Variants in CACHD1 observed in about 807,000 individuals in gnomAD.
CACHD1 encodes cache domain containing 1, also known as VWFA and cache domain-containing protein 1.
Under a neutral mutation model 138.7 loss-of-function variants are expected in CACHD1, and 71 were observed. The ratio of observed to expected loss-of-function variants is 0.51; its 90% CI spans 0.42 to 0.62. The LOEUF (loss-of-function observed/expected upper bound fraction) is 0.62, where lower values mean the gene tolerates loss of function less well. Ranked by LOEUF, CACHD1 falls within the 20% of genes least tolerant of loss-of-function variation. The pLI is 0.00. For synonymous variants in CACHD1, 578 were observed against 591.5 expected (o/e 0.98, Z 0.33); for missense variants, 1,389 against 1,625.3 (o/e 0.85, Z 2.50).
intron 3 of CACHD1, among the ~76,000 whole-genome samples, chr1:64,598,280 A>G (rs1188553533): frequency 6.6e-6 from 1 of 152,216 alleles, no homozygotes; most frequent in Non-Finnish European, 1.5e-5. Context: ...CATCAGTGGT[A>G]GTGAGAAAAG....
At chr1:64,491,942 TTTG>T (rs1472384605) in intron 1 of CACHD1, among the ~76,000 whole-genome samples, 4 of 141,156 alleles carry the variant, frequency 2.8e-5, no homozygotes, top group Admixed American at 6.8e-5. Context: ...TTGTTTGTTT[TTTG>T]TTTTTTTTTT....
At chr1:64,560,666 G>A (rs776345963) in intron 2 of CACHD1, among the ~76,000 whole-genome samples, 1 of 152,082 alleles carries the variant, frequency 6.6e-6, no homozygotes, top group South Asian at 2.1e-4. Flanking sequence ...TAAAGAACAT[G>A]TGTTCTGCAG....
intron 1 of CACHD1, among the ~76,000 whole-genome samples, chr1:64,480,037 A>G (rs1646199424): frequency 6.6e-6 from 1 of 152,218 alleles, no homozygotes; most frequent in African/African-American, 2.4e-5. Context: ...TGGAGCCTGC[A>G]AGGTGGACTC....
intron 4 of CACHD1, among the ~76,000 whole-genome samples, chr1:64,607,134 G>C (rs1406155381): frequency 6.6e-6 from 1 of 152,158 alleles, no homozygotes. Flanking sequence ...GTGACTGTGG[G>C]TAGAAAAGAG....
At chr1:64,629,531 T>C in intron 5 of CACHD1, 50 bp downstream of exon 5, 3 of 1,575,554 alleles carry the variant, frequency 1.9e-6, no homozygotes, top group African/African-American at 1.4e-5. Context: ...AAGAGTGATC[T>C]ACATGAAATA....
At chr1:64,690,043 C>G (rs1048120470) in intron 26 of CACHD1, among the ~76,000 whole-genome samples, 1 of 152,180 alleles carries the variant, frequency 6.6e-6, no homozygotes, top group African/African-American at 2.4e-5. Context: ...CCATAATGGT[C>G]TCCAATAAAT....
At chr1:64,612,384 A>G (rs1647566665) in intron 4 of CACHD1, among the ~76,000 whole-genome samples, 1 of 152,154 alleles carries the variant, frequency 6.6e-6, no homozygotes, top group Non-Finnish European at 1.5e-5. Context: ...CTCATGAGCA[A>G]CCATCTTGTT....
chr1:64,539,767 G>A (rs562873637), intron 1 of CACHD1, among the ~76,000 whole-genome samples: 38 of 152,210 alleles, frequency 2.5e-4, no homozygotes, highest in East Asian at 1.9e-3. Context: ...TATACTAAGC[G>A]CCAGACCCTC....
intron 9 of CACHD1, among the ~76,000 whole-genome samples, chr1:64,651,513 G>C (rs1649091651): frequency 6.6e-6 from 1 of 152,150 alleles, no homozygotes; most frequent in Non-Finnish European, 1.5e-5. Flanking sequence ...GTGTGAGCCA[G>C]ACACAGTGGC....
intron 3 of CACHD1, among the ~76,000 whole-genome samples, chr1:64,595,110 G>A (rs1212163907): frequency 6.6e-6 from 1 of 152,190 alleles, no homozygotes; most frequent in Non-Finnish European, 1.5e-5. Context: ...CTGGTAGATG[G>A]AACCAGTTAA....
At chr1:64,543,392 AAAAAAAATACATATATATATAT>A (rs1646691968) in intron 1 of CACHD1, among the ~76,000 whole-genome samples, 1 of 86,878 alleles carries the variant, frequency 1.2e-5, no homozygotes, top group African/African-American at 5.1e-5. Context: ...CCTATCTCTA[AAAAAAAATACATATATATATAT>A]ATATATATAT....
intron 19 of CACHD1, among the ~76,000 whole-genome samples, chr1:64,674,860 G>A (rs559016324): frequency 4.6e-5 from 7 of 152,240 alleles, no homozygotes; most frequent in Admixed American, 2.6e-4. Context: ...GTTATGGAAT[G>A]AAGAAAAGGG....
chr1:64,515,046 G>A lies in CACHD1; in HGVS notation c.199-35548G>A, dbSNP rs1019796103. On this transcript the variant is annotated intron_variant, in intron 1 of 26. Coordinates refer to ENST00000651257, the MANE Select transcript of CACHD1 (RefSeq NM_020925.4). ...GTATGCTGCCATCCATGTGATTTTG[G>A]TCATACTGCATACAGTATTGGATTA... Among the ~76,000 whole-genome samples, 16 of 152,152 alleles carry A rather than the reference G, an allele frequency of 1.1e-4. 6 individuals carry two copies.
At chr1:64,643,036 T>TAAAAAAAAAAAA (rs139320316) in intron 8 of CACHD1, among the ~76,000 whole-genome samples, 5 of 33,354 alleles carry the variant, frequency 1.5e-4, no homozygotes, top group African/African-American at 3.2e-4. Context: ...AGACTCTGTC[T>TAAAAAAAAAAAA]AAAAAAAAAA....
At chr1:64,661,304 G>A (rs2100697806) in intron 13 of CACHD1, among the ~76,000 whole-genome samples, 1 of 152,230 alleles carries the variant, frequency 6.6e-6, no homozygotes, top group South Asian at 2.1e-4. Context: ...TTTTAAGAGT[G>A]CATCATCTAA....
At chr1:64,605,942 G>A (rs1188118344) in intron 4 of CACHD1, among the ~76,000 whole-genome samples, 1 of 152,094 alleles carries the variant, frequency 6.6e-6, no homozygotes, top group Non-Finnish European at 1.5e-5. Flanking sequence ...ACTTTACACA[G>A]GGGAATCTGG....
intron 24 of CACHD1, among the ~76,000 whole-genome samples, chr1:64,680,510 C>T (rs552239750): frequency 2.6e-5 from 4 of 152,040 alleles, no homozygotes; most frequent in East Asian, 3.9e-4. Flanking sequence ...GTCATCGAAG[C>T]CAAGTACAAA....
rs1001057369 is a variant in CACHD1, at chr1:64,654,820, T to A, written c.1782+17T>A. On this transcript the variant is annotated intron_variant, in intron 12 of 26. Coordinates refer to ENST00000651257, the MANE Select transcript of CACHD1 (RefSeq NM_020925.4). ...TGGAAGATGGTGAGTGAGAGGAAGT[T>A]GTGTTTGCTTGAAGAGCTACAGGGT... 19 of 1,567,342 alleles carry A rather than the reference T, an allele frequency of 1.2e-5. No individual in the cohort carries two copies. Among genetic ancestry groups the A allele is most frequent in the Non-Finnish European group, 1.7e-5 (19 of 1,138,034 alleles).
intron 1 of CACHD1, among the ~76,000 whole-genome samples, chr1:64,530,933 G>GTTTT (rs369893062): frequency 7.7e-6 from 1 of 130,178 alleles, no homozygotes; most frequent in Non-Finnish European, 1.6e-5. Flanking sequence ...GTTTTTTTTT[G>GTTTT]TTTTTTTTTT....
Sources: allele counts gnomAD v4.1 joint callset (sites outside exome capture counted in the v4.1 genomes callset), GRCh38; gene constraint gnomAD v4.1.1; transcripts MANE v1.5; gene names NCBI Gene and HGNC (gene_info 2026-07-23, HGNC 2026-07-21).